The following SUPT3H variants were observed in gnomAD, a reference collection of about 807,000 sequenced individuals.
The protein encoded by SUPT3H is transcription initiation protein SPT3 homolog.
Under a neutral mutation model 44.3 loss-of-function variants are expected in SUPT3H, and 44 were observed. The observed-to-expected ratio is 0.99, with a 90% CI of 0.78 to 1.28. The LOEUF (loss-of-function observed/expected upper bound fraction) is 1.28. Among genes scored for constraint, SUPT3H ranks in the 50% most tolerant of loss-of-function variants. The pLI, the probability that SUPT3H is intolerant of heterozygous loss-of-function variation, is 0.00. For missense variants in SUPT3H, 380 were observed against 387.1 expected, an observed-to-expected ratio of 0.98 and a Z score of 0.15; for synonymous variants, 124 against 125.6, an observed-to-expected ratio of 0.99 and a Z score of 0.09.
At chr6:44,927,921 C>T (rs952646297) in intron 10 of SUPT3H, among the ~76,000 whole-genome samples, 11 of 152,166 alleles carry the variant, frequency 7.2e-5, no homozygotes, top group Admixed American at 6.5e-4. Context: ...ATGGTTTCCG[C>T]TTACTTTGTA....
chr6:45,104,021 A>T (rs1028032841), intron 3 of SUPT3H, among the ~76,000 whole-genome samples: 4 of 152,154 alleles, frequency 2.6e-5, no homozygotes, highest in African/African-American at 9.7e-5. Context: ...ATATGTTCAG[A>T]TGAAAGAAAT....
chr6:45,005,911 T>C (rs1432317838), intron 5 of SUPT3H, among the ~76,000 whole-genome samples: 2 of 152,126 alleles, frequency 1.3e-5, no homozygotes, highest in African/African-American at 2.4e-5. Flanking sequence ...AAAAAATTCA[T>C]AGACCCTCTA....
intron 2 of SUPT3H, among the ~76,000 whole-genome samples, chr6:45,156,784 A>AT (rs1044762559): frequency 5.3e-5 from 8 of 151,606 alleles, no homozygotes; most frequent in African/African-American, 1.9e-4. Flanking sequence ...GAAGTTTTTG[A>AT]TTTTTTTATC....
intron 10 of SUPT3H, among the ~76,000 whole-genome samples, chr6:44,894,895 T>C (rs956647728): frequency 3.3e-5 from 5 of 151,958 alleles, no homozygotes; most frequent in Non-Finnish European, 7.4e-5. Flanking sequence ...AATCTAATAA[T>C]TGAGCATTAT....
intron 2 of SUPT3H, among the ~76,000 whole-genome samples, chr6:45,146,750 C>A (rs1181930838): frequency 1.3e-5 from 2 of 151,996 alleles, no homozygotes; most frequent in Non-Finnish European, 2.9e-5. Flanking sequence ...CCTTGATTTC[C>A]TTTCATCACT....
At chr6:44,870,173 A>G (rs1363702010) in intron 10 of SUPT3H, among the ~76,000 whole-genome samples, 2 of 152,230 alleles carry the variant, frequency 1.3e-5, no homozygotes, top group Non-Finnish European at 2.9e-5. Context: ...AACAAGTTAT[A>G]AACAGCTTCT....
rs191450799 is a variant in SUPT3H, at chr6:45,368,365, T to C, written c.1-3064A>G. 8.5e-4 allele frequency among the ~76,000 whole-genome samples: 130 copies of C among 152,256 alleles called. 3 individuals are homozygous for C. In the South Asian group the frequency reaches 0.023, roughly 26 times the overall value. On this transcript the variant is annotated intron_variant, in intron 1 of 10. Transcript: ENST00000371459. ...AAAACTGTGTTCCAGAGAAGAAAAATTGGCATTTACCTTTCAATTTAAAAT... is the reference window on the plus strand; with the variant it reads ...AAAACTGTGTTCCAGAGAAGAAAAACTGGCATTTACCTTTCAATTTAAAAT...
At chr6:44,976,520 C>T in intron 6 of SUPT3H, among the ~76,000 whole-genome samples, 1 of 152,004 alleles carries the variant, frequency 6.6e-6, no homozygotes, top group Non-Finnish European at 1.5e-5. Context: ...CACAACCATG[C>T]CTGGCTAATT....
rs1333025416 is a variant in SUPT3H, at chr6:45,065,263, G to A, written c.186+40659C>T. ...AATAAAGATGTTCTTTGAAACCAAC[G>A]AGAACAAAGACACAACATACCAGAA... On this transcript the variant is annotated intron_variant, in intron 3 of 10. Transcript: ENST00000371459. Among the ~76,000 whole-genome samples the A allele has an allele frequency of 1.5e-4, 22 of 145,324 alleles. No individual in the cohort carries two copies. In the East Asian group the frequency reaches 2.8e-3, roughly 19 times the overall value.
intron 10 of SUPT3H, among the ~76,000 whole-genome samples, chr6:44,896,161 A>T (rs1764103467): frequency 6.6e-6 from 1 of 152,054 alleles, no homozygotes; most frequent in African/African-American, 2.4e-5. Flanking sequence ...AAACCAGGTA[A>T]CGAGGTTTGA....
chr6:44,863,009 G>A (rs1384791682), intron 10 of SUPT3H, among the ~76,000 whole-genome samples: 1 of 152,160 alleles, frequency 6.6e-6, no homozygotes, highest in Non-Finnish European at 1.5e-5. Context: ...ACATCTGCTT[G>A]TTAGGAAGCA....
intron 2 of SUPT3H, among the ~76,000 whole-genome samples, chr6:45,120,112 A>G (rs770217946): frequency 3.9e-5 from 6 of 152,106 alleles, no homozygotes; most frequent in African/African-American, 1.2e-4. Flanking sequence ...AACATAGTTA[A>G]TAAGTGGCAG....
At chr6:44,899,406 T>C (rs1184926171) in intron 10 of SUPT3H, 2 of 152,192 alleles carry the variant, frequency 1.3e-5, no homozygotes, top group African/African-American at 4.8e-5. Flanking sequence ...AGTTATAATG[T>C]GGCCGGTGTG....
At chr6:45,189,258 G>A (rs1395738783) in intron 2 of SUPT3H, among the ~76,000 whole-genome samples, 1 of 152,172 alleles carries the variant, frequency 6.6e-6, no homozygotes, top group African/African-American at 2.4e-5. Flanking sequence ...GATAATTAGT[G>A]TATCACTTAG....
Position 45,243,573 on chromosome 6 carries a change from T to C in SUPT3H, c.101+121628A>G, listed in dbSNP as rs569813331. Among the ~76,000 whole-genome samples the C allele has an allele frequency of 1.9e-3, 284 of 152,284 alleles. 1 individual carries two copies. The highest frequency in any genetic ancestry group is 6.3e-3 in the African/African-American group (261 of 41,578). On this transcript the variant is annotated intron_variant, in intron 2 of 10. Transcript: ENST00000371459. ...GATTGTAAAAGAAGAGGCATAACTA[T>C]ATATTCTACAAACACTGAAATGATA...
Position 45,253,546 on chromosome 6 carries a change from T to G in SUPT3H, c.101+111655A>C, listed in dbSNP as rs369778077. 4.1e-4 allele frequency among the ~76,000 whole-genome samples: 62 copies of G among 152,068 alleles called. 1 individual carries two copies. The South Asian group carries it at 0.012, about 31-fold the overall frequency. ...TGGCTCATGGCTGTAATCCAAGAAC[T>G]TTGGGAGGCTGAAGTGGGAGGATCA... On this transcript the variant is annotated intron_variant, in intron 2 of 10. Transcript: ENST00000371459.
At chr6:44,865,107 C>T (rs1425025119) in intron 10 of SUPT3H, among the ~76,000 whole-genome samples, 1 of 152,210 alleles carries the variant, frequency 6.6e-6, no homozygotes, top group Non-Finnish European at 1.5e-5. Flanking sequence ...GGGCAAAATG[C>T]TGCCAGTCTC....
chr6:45,339,663 T>C (rs1789351511), intron 2 of SUPT3H, among the ~76,000 whole-genome samples: 1 of 152,166 alleles, frequency 6.6e-6, no homozygotes, highest in Admixed American at 6.5e-5. Context: ...ATTAATATTC[T>C]TATTTTTCTA....
At chr6:45,172,438 G>A (rs796889946) in intron 2 of SUPT3H, among the ~76,000 whole-genome samples, 1 of 151,796 alleles carries the variant, frequency 6.6e-6, no homozygotes, top group South Asian at 2.1e-4. Context: ...TAACAATCCT[G>A]ACCATCTCAG....
Sources: allele counts gnomAD v4.1 joint callset (sites outside exome capture counted in the v4.1 genomes callset), GRCh38; gene constraint gnomAD v4.1.1; transcripts MANE v1.5; gene names NCBI Gene and HGNC (gene_info 2026-07-23, HGNC 2026-07-21).